NKAIN2: variants seen among roughly 807,000 people sequenced by gnomAD.
NKAIN2 encodes sodium/potassium-transporting ATPase subunit beta-1-interacting protein 2.
In NKAIN2, 14 loss-of-function variants were observed where a neutral mutation model predicts 32.6. The observed-to-expected ratio is 0.43, with a 90% CI of 0.28 to 0.67. NKAIN2 has a LOEUF of 0.67. NKAIN2 is among the 30% of genes least tolerant of loss of function. The pLI is 0.17. For missense variants in NKAIN2, 198 were observed against 258.3 expected (o/e 0.77, Z 1.60); for synonymous variants, 80 against 87.2 (o/e 0.92, Z 0.46).
chr6:124,115,283 G>T (rs1005557569), intron 1 of NKAIN2, among the ~76,000 whole-genome samples: 1 of 150,780 alleles, frequency 6.6e-6, no homozygotes, highest in Non-Finnish European at 1.5e-5. Context: ...AACATGGTTA[G>T]TCCTTATCTG....
At chr6:124,197,837 G>GTTTTTTTTTTT (rs71541243) in intron 1 of NKAIN2, among the ~76,000 whole-genome samples, 3 of 94,434 alleles carry the variant, frequency 3.2e-5, no homozygotes, top group African/African-American at 3.8e-5. Flanking sequence ...CCTGTGTCTG[G>GTTTTTTTTTTT]TTTTTTTTTT....
intron 3 of NKAIN2, among the ~76,000 whole-genome samples, chr6:124,586,802 G>C (rs966565567): frequency 6.6e-6 from 1 of 152,062 alleles, no homozygotes; most frequent in Non-Finnish European, 1.5e-5. Context: ...CCTTTAACTG[G>C]TGAGTGGATA....
Position 124,773,108 on chromosome 6 carries a change from G to A in NKAIN2, c.475-18231G>A, listed in dbSNP as rs139368077. Among the ~76,000 whole-genome samples, 534 of 152,292 alleles carry A rather than the reference G, an allele frequency of 3.5e-3. 2 individuals are homozygous for A. Among genetic ancestry groups the A allele is most frequent in the African/African-American group, 0.012 (517 of 41,558 alleles). ...TTTAGTGGTGTTGGAACTTGGCCAA[G>A]CCAAATAAAGTCAAGTCTGAATACT... is the stretch of plus-strand genomic sequence containing the variant. On this transcript the variant is annotated intron_variant, in intron 4 of 6. Transcript: ENST00000368417.
At chr6:124,146,148 G>T (rs573245526) in intron 1 of NKAIN2, among the ~76,000 whole-genome samples, 4 of 152,144 alleles carry the variant, frequency 2.6e-5, no homozygotes, top group Admixed American at 2.0e-4. Context: ...ACAACTGCTT[G>T]TTAATCAACA....
At position 124,815,230 on chromosome 6, in the gene NKAIN2, A is replaced by ATATATATGTATACATG. The variant is rs1554268832; in HGVS notation, c.536-3150_536-3149insGTATACATGTATATAT. Among the ~76,000 whole-genome samples the ATATATATGTATACATG allele has an allele frequency of 9.5e-3, 1,324 of 138,822 alleles. 22 individuals are homozygous for ATATATATGTATACATG. Among genetic ancestry groups the ATATATATGTATACATG allele is most frequent in the African/African-American group, 0.033 (1,270 of 38,592 alleles). 91.1% of individuals were successfully genotyped at this position (138,822 alleles called of 152,430 possible). On this transcript the variant is annotated intron_variant, in intron 5 of 6. Transcript: ENST00000368417. ...AGTCTTAAACTATATATATACATATATATATATATATGTATATATGTATAT... is the reference window on the plus strand; with the variant it reads ...AGTCTTAAACTATATATATACATATATATATATGTATACATGTATATATATATGTATATATGTATAT...
chr6:124,276,416 G>A (rs1019020479), intron 1 of NKAIN2, among the ~76,000 whole-genome samples: 7 of 151,614 alleles, frequency 4.6e-5, no homozygotes, highest in African/African-American at 1.7e-4. Context: ...TTTAAGTAAA[G>A]CTCTGTGGTT....
intron 1 of NKAIN2, among the ~76,000 whole-genome samples, chr6:124,218,379 G>A (rs1381993477): frequency 6.6e-6 from 1 of 152,060 alleles, no homozygotes; most frequent in East Asian, 1.9e-4. Flanking sequence ...GACTGATAAA[G>A]ATGATGAAAC....
chr6:123,883,948 AATTATT>A (rs1178932760), intron 1 of NKAIN2, among the ~76,000 whole-genome samples: 1 of 149,774 alleles, frequency 6.7e-6, no homozygotes, highest in Non-Finnish European at 1.5e-5. Context: ...CAGTTTTTTA[AATTATT>A]ATTATTTTTA....
At chr6:124,412,217 GT>G (rs1774225788) in intron 3 of NKAIN2, among the ~76,000 whole-genome samples, 4 of 152,168 alleles carry the variant, frequency 2.6e-5, no homozygotes, top group Admixed American at 2.0e-4. Flanking sequence ...TCCATTGCTG[GT>G]GAGGAGCTGT....
chr6:124,208,855 A>G (rs1791030585), intron 1 of NKAIN2, among the ~76,000 whole-genome samples: 1 of 151,538 alleles, frequency 6.6e-6, no homozygotes, highest in African/African-American at 2.4e-5. Flanking sequence ...ATAGTTGTAG[A>G]TATTTATGGG....
intron 1 of NKAIN2, among the ~76,000 whole-genome samples, chr6:123,898,278 A>C (rs1419607697): frequency 6.6e-6 from 1 of 152,182 alleles, no homozygotes; most frequent in Non-Finnish European, 1.5e-5. Flanking sequence ...CCATCACATC[A>C]GATATGTCCT....
chr6:124,222,101 T>C (rs908765671), intron 1 of NKAIN2, among the ~76,000 whole-genome samples: 1 of 152,150 alleles, frequency 6.6e-6, no homozygotes, highest in African/African-American at 2.4e-5. Context: ...CAGCTGGTGA[T>C]AGATAATGTG....
chr6:124,195,611 G>A (rs184463347), intron 1 of NKAIN2, among the ~76,000 whole-genome samples: 22 of 152,214 alleles, frequency 1.4e-4, no homozygotes, highest in Admixed American at 2.6e-4. Context: ...TGATACAAGT[G>A]AGAAACTTGG....
intron 1 of NKAIN2, among the ~76,000 whole-genome samples, chr6:123,954,915 G>A (rs1208640383): frequency 1.3e-5 from 2 of 152,088 alleles, no homozygotes; most frequent in Non-Finnish European, 2.9e-5. Flanking sequence ...TGTCAGCAGA[G>A]AAGAAATCAG....
intron 3 of NKAIN2, among the ~76,000 whole-genome samples, chr6:124,525,401 T>G (rs1779274160): frequency 6.6e-6 from 1 of 152,168 alleles, no homozygotes; most frequent in African/African-American, 2.4e-5. Context: ...TACTTGCGAT[T>G]TTCATGTAAC....
At position 123,884,189 on chromosome 6, in the gene NKAIN2, C is replaced by T. The variant is rs193017820; in HGVS notation, c.54+79935C>T. On this transcript the variant is annotated intron_variant, in intron 1 of 6. Transcript: ENST00000368417. ...ATGTGCTCTCTTCATTTAGCTCCCC[C>T]TTATAAGTGAGAACATATGGTACTT... Among the ~76,000 whole-genome samples the T allele has an allele frequency of 4.6e-4, 70 of 152,140 alleles. No homozygotes were observed. In the South Asian group the frequency reaches 5.8e-3, roughly 13 times the overall value.
At chr6:124,280,513 C>T (rs1795241465) in intron 1 of NKAIN2, among the ~76,000 whole-genome samples, 1 of 152,142 alleles carries the variant, frequency 6.6e-6, no homozygotes, top group Non-Finnish European at 1.5e-5. Context: ...TCACTTAGCA[C>T]ACCACAGCTT....
chr6:123,917,238 CTG>C (rs1775542486), intron 1 of NKAIN2, among the ~76,000 whole-genome samples: 2 of 151,204 alleles, frequency 1.3e-5, no homozygotes, highest in Non-Finnish European at 2.9e-5. Context: ...TGGATTTTAT[CTG>C]TTTTTTTTTT....
intron 1 of NKAIN2, among the ~76,000 whole-genome samples, chr6:123,895,367 AT>A (rs1170023008): frequency 6.6e-6 from 1 of 152,070 alleles, no homozygotes; most frequent in African/African-American, 2.4e-5. Context: ...GTCCCTCCAA[AT>A]TTTGTATTAC....
Sources: gnomAD v4.1 joint callset for allele counts (sites outside exome capture counted in the v4.1 genomes callset) on GRCh38, gnomAD v4.1.1 for gene constraint, MANE v1.5 for transcripts, NCBI Gene and HGNC (gene_info 2026-07-23, HGNC 2026-07-21) for gene names.